The following THADA variants were observed in gnomAD, a reference collection of about 807,000 sequenced individuals.
THADA encodes tRNA (32-2'-O)-methyltransferase regulator THADA.
A neutral mutation model predicts 219.8 loss-of-function variants in THADA; 213 were observed. The ratio of observed to expected loss-of-function variants is 0.97; its 90% CI spans 0.87 to 1.09. THADA has a LOEUF of 1.09. Among genes scored for constraint, THADA ranks in the 50% least tolerant of loss-of-function variants. The pLI is 0.00. For synonymous variants in THADA, 1,018 were observed against 828.9 expected (o/e 1.23, Z -3.92); for missense variants, 2,956 against 2,311.3 (o/e 1.28, Z -5.72).
intron 31 of THADA, among the ~76,000 whole-genome samples, chr2:43,305,669 G>C (rs3851318): frequency 0.23 from 35,385 of 152,028 alleles, 5,200 homozygotes; most frequent in African/African-American, 0.41. Flanking sequence ...TGGCCTGGGA[G>C]ACAGCAGAGC....
intron 26 of THADA, among the ~76,000 whole-genome samples, chr2:43,474,325 A>G (rs1031034838): frequency 6.6e-6 from 1 of 152,190 alleles, no homozygotes; most frequent in African/African-American, 2.4e-5. Context: ...TACACAGTGA[A>G]GCTGAAGTGA....
At chr2:43,468,122 T>C in intron 26 of THADA, among the ~76,000 whole-genome samples, 1 of 152,126 alleles carries the variant, frequency 6.6e-6, no homozygotes. Context: ...TTATCCAGGA[T>C]ATTTTTTGTT....
intron 15 of THADA, among the ~76,000 whole-genome samples, chr2:43,561,411 G>C (rs771278947): frequency 6.6e-6 from 1 of 152,144 alleles, no homozygotes; most frequent in African/African-American, 2.4e-5. Flanking sequence ...GGGATGAAAA[G>C]AAAAATTATC....
At chr2:43,584,060 G>C (rs1265257112) in intron 7 of THADA, among the ~76,000 whole-genome samples, 1 of 128,536 alleles carries the variant, frequency 7.8e-6, no homozygotes, top group African/African-American at 2.9e-5. Context: ...AAAAAAAAAA[G>C]GAAAAATAAA....
intron 29 of THADA, among the ~76,000 whole-genome samples, chr2:43,376,649 TCAGTAATGA>T (rs1179388676): frequency 6.6e-6 from 1 of 152,312 alleles, no homozygotes; most frequent in Middle Eastern, 3.4e-3. Context: ...AAGTCAAATG[TCAGTAATGA>T]CTGACATTCA....
chr2:43,537,316 A>C (rs866453777), intron 21 of THADA, among the ~76,000 whole-genome samples: 6 of 152,106 alleles, frequency 3.9e-5, no homozygotes, highest in South Asian at 2.1e-4. Context: ...GGTATCCTCT[A>C]TTGTATTTCT....
Position 43,574,899 on chromosome 2 carries a change from A to C in THADA, c.1166T>G (p.Val389Gly). ...ATAGACATATTCCAAAAGTCTCCCA[A>C]CTATACTTGAATTCCCATTCAGGCT... The part of the protein sequence containing the change: ...TDSLNGNSSI[V>G]GRLLEYVYTH... Residue 389 changes from valine (V) to glycine (G), a missense_variant, in exon 11 of 38, where the codon GTT (valine) becomes GGT (glycine). Physicochemically the swap from Val to Gly is moderately radical, Grantham distance 109 (BLOSUM62 -3). Coordinates refer to ENST00000405975, the MANE Select transcript of THADA (RefSeq NM_022065.5). 1 of 1,613,978 alleles carries C rather than the reference A, an allele frequency of 6.2e-7. No homozygotes were observed.
At position 43,574,650 on chromosome 2, in the gene THADA, G is replaced by A; in HGVS notation, c.1415C>T (p.Ala472Val). The A allele has an allele frequency of 1.2e-6, 2 of 1,613,956 alleles. No individual in the cohort carries two copies. The highest frequency in any genetic ancestry group is 1.7e-5 in the Admixed American group (1 of 60,012). The change falls in exon 11 of 38, where the codon GCT becomes GTT. Residue 472 changes from alanine to valine, a missense_variant. By Grantham distance (64) the Ala-to-Val change is moderately conservative. Transcript: ENST00000405975. ...VECIGVEHILAIDKTIPSQIL... is the reference protein window; with the variant it reads ...VECIGVEHILVIDKTIPSQIL... Reference sequence around the variant, plus strand: ...TTGAGATGGAATAGTTTTATCTATAGCCAAAATATGTTCAACTCCTATGCA... The same window carrying A: ...TTGAGATGGAATAGTTTTATCTATAACCAAAATATGTTCAACTCCTATGCA...
intron 29 of THADA, among the ~76,000 whole-genome samples, chr2:43,378,287 C>T (rs896555162): frequency 6.6e-6 from 1 of 152,114 alleles, no homozygotes; most frequent in Non-Finnish European, 1.5e-5. Context: ...CTAGAAAATA[C>T]ATCTGAGGAA....
intron 31 of THADA, among the ~76,000 whole-genome samples, chr2:43,310,144 T>A (rs13414560): frequency 1.1e-3 from 162 of 152,086 alleles, no homozygotes; most frequent in Non-Finnish European, 1.9e-3. Context: ...ACTCTTCAAA[T>A]TGATCTACAG....
intron 35 of THADA, among the ~76,000 whole-genome samples, chr2:43,285,792 C>G (rs1239689814): frequency 3.9e-5 from 6 of 152,112 alleles, no homozygotes; most frequent in Non-Finnish European, 7.4e-5. Flanking sequence ...CTTAGGTGAT[C>G]CACCCGCCTC....
chr2:43,285,326 C>A (rs1673861459), intron 35 of THADA, among the ~76,000 whole-genome samples: 1 of 152,126 alleles, frequency 6.6e-6, no homozygotes, highest in Non-Finnish European at 1.5e-5. Flanking sequence ...GGCAGATTTC[C>A]CCCTTGCTAT....
chr2:43,505,843 T>G, intron 23 of THADA, 108 bp from the exon 24 acceptor site: 2 of 779,722 alleles, frequency 2.6e-6, no homozygotes, highest in Non-Finnish European at 4.2e-6. Context: ...TAAAAACATG[T>G]GGTTATCAAA....
intron 26 of THADA, among the ~76,000 whole-genome samples, chr2:43,476,300 C>T (rs1011052426): frequency 6.6e-6 from 1 of 152,170 alleles, no homozygotes; most frequent in Non-Finnish European, 1.5e-5. Context: ...TGCCTAGACA[C>T]TGCAGTGTCT....
chr2:43,477,261 A>G (rs1006816038), intron 26 of THADA, among the ~76,000 whole-genome samples: 3 of 151,696 alleles, frequency 2.0e-5, no homozygotes, highest in African/African-American at 4.9e-5. Flanking sequence ...AGAGAGAGAG[A>G]GAGAAGGGAA....
intron 22 of THADA, among the ~76,000 whole-genome samples, chr2:43,515,211 TATA>T (rs1691419369): frequency 2.3e-4 from 18 of 78,518 alleles, no homozygotes; most frequent in South Asian, 4.1e-4. Context: ...ATATATAATA[TATA>T]ATATATTATA....
At chr2:43,486,798 T>A (rs1342733614) in intron 25 of THADA, 2 of 152,122 alleles carry the variant, frequency 1.3e-5, no homozygotes, top group African/African-American at 4.8e-5. Context: ...GGAACCCTGG[T>A]TTTTATGTGA....
intron 29 of THADA, among the ~76,000 whole-genome samples, chr2:43,394,068 G>C (rs1225225306): frequency 2.0e-5 from 3 of 152,160 alleles, no homozygotes; most frequent in Non-Finnish European, 4.4e-5. Flanking sequence ...AGACAGAGCA[G>C]CCCTGCTAGT....
intron 29 of THADA, among the ~76,000 whole-genome samples, chr2:43,379,582 C>T (rs1671766071): frequency 6.6e-6 from 1 of 152,236 alleles, no homozygotes; most frequent in Non-Finnish European, 1.5e-5. Flanking sequence ...AACAGGAACT[C>T]TCATTCACTG....
Sources: gnomAD v4.1 joint callset for allele counts (sites outside exome capture counted in the v4.1 genomes callset) on GRCh38, gnomAD v4.1.1 for gene constraint, MANE v1.5 for transcripts, NCBI Gene and HGNC (gene_info 2026-07-23, HGNC 2026-07-21) for gene names.